DNAJC11: variants seen among roughly 807,000 people sequenced by gnomAD.
DNAJC11 encodes the protein dnaJ homolog subfamily C member 11.
A neutral mutation model predicts 78.6 loss-of-function variants in DNAJC11; 15 were observed. That is an observed-to-expected ratio of 0.19 (90% confidence interval 0.13 to 0.29). The LOEUF (loss-of-function observed/expected upper bound fraction) is 0.29. DNAJC11 is among the 10% of genes least tolerant of loss of function. The pLI, the probability that DNAJC11 is intolerant of heterozygous loss-of-function variation, is 1.00. For synonymous variants in DNAJC11, 292 were observed against 272.1 expected (o/e 1.07, Z -0.72); for missense variants, 547 against 709.6 (o/e 0.77, Z 2.60).
chr1:6,651,018 A>G (rs1203404918), intron 7 of DNAJC11: 1 of 532,382 alleles, frequency 1.9e-6, no homozygotes, highest in South Asian at 1.4e-5. Context: ...TGCACCCACC[A>G]TATAGGAAAT....
rs866666249 is a variant in DNAJC11 at position 6,653,690 on chromosome 1, G to A, written c.507+221C>T. ...CTGCTGGAAAGGCCCAAGACCTTGG[G>A]AGCCAAGTGCCCCAGCCCACACTCC... is the stretch of plus-strand genomic sequence containing the variant. On this transcript the variant is annotated intron_variant, in intron 5 of 15. Transcript: ENST00000377577. This position sits in a 1 kb window ranked among gnomAD's most constrained non-coding sequence, Gnocchi z 4.5. 2.6e-5 allele frequency: 12 copies of A among 469,016 alleles called. No homozygotes were observed. The highest frequency in any genetic ancestry group is 2.0e-4 in the African/African-American group (10 of 49,806). 29.1% of individuals were successfully genotyped at this position (469,016 alleles called of 1,614,324 possible).
intron 7 of DNAJC11, among the ~76,000 whole-genome samples, chr1:6,648,406 T>C (rs1427025638): frequency 2.0e-5 from 3 of 152,220 alleles, no homozygotes; most frequent in Non-Finnish European, 4.4e-5. Flanking sequence ...CCCGCCTGCC[T>C]TGGCCTCCCA....
chr1:6,647,380 G>A (rs1641981894), intron 7 of DNAJC11, among the ~76,000 whole-genome samples: 2 of 152,012 alleles, frequency 1.3e-5, no homozygotes, highest in South Asian at 4.2e-4. Flanking sequence ...ACTGTGCCCA[G>A]CCAACAGGTC....
At chr1:6,700,871 T>A (rs958767778) in intron 1 of DNAJC11, among the ~76,000 whole-genome samples, 7 of 152,302 alleles carry the variant, frequency 4.6e-5, no homozygotes, top group African/African-American at 1.7e-4. Flanking sequence ...CCCATCGGCT[T>A]AAAGAAACTG....
intron 1 of DNAJC11, among the ~76,000 whole-genome samples, chr1:6,681,799 T>C (rs772878437): frequency 2.6e-5 from 4 of 152,114 alleles, no homozygotes; most frequent in South Asian, 4.2e-4. Flanking sequence ...CTCAGAGGCC[T>C]TGGGACACTG....
chr1:6,667,977 C>T, intron 3 of DNAJC11, 167 bp from the exon 4 acceptor site: 1 of 644,390 alleles, frequency 1.6e-6, no homozygotes. Flanking sequence ...TCCGATGGCT[C>T]AGGCCTGGGT....
intron 5 of DNAJC11, 21 bp from the exon 6 acceptor site, chr1:6,652,972 T>TAATG: frequency 6.2e-7 from 1 of 1,613,816 alleles, no homozygotes; most frequent in South Asian, 1.1e-5. Context: ...TATTTGCTGG[T>TAATG]AATGAATGAA....
intron 4 of DNAJC11, among the ~76,000 whole-genome samples, chr1:6,664,081 C>T (rs902265356): frequency 2.0e-5 from 3 of 152,170 alleles, no homozygotes; most frequent in Non-Finnish European, 2.9e-5. Context: ...AAAGTGGACA[C>T]ACGCCGGGGC....
intron 4 of DNAJC11, among the ~76,000 whole-genome samples, chr1:6,664,380 C>T (rs779627723): frequency 2.0e-5 from 3 of 152,054 alleles, no homozygotes; most frequent in African/African-American, 4.8e-5. Context: ...GCTGGGACTA[C>T]AGGCGCCTGC....
chr1:6,645,822 G>A lies in DNAJC11; in HGVS notation c.861C>T (p.Asp287=). The change falls in exon 8 of 16, where the codon GAC becomes GAT. Residue 287 remains aspartate (D), a synonymous_variant. Coordinates refer to ENST00000377577, the MANE Select transcript of DNAJC11 (RefSeq NM_018198.4). This position sits in a 1 kb window ranked among gnomAD's most constrained non-coding sequence, Gnocchi z 4.1. ...CCACAGTGAAGTGGCTGGTTTTAGT[G>A]TCTCGGACGATGCTAGTGTTCATGG... The part of the protein sequence containing the change: ...QSAMNTSIVR[D]TKTSHFTVAL... 4 of 1,614,200 alleles carry A rather than the reference G, an allele frequency of 2.5e-6. No homozygotes were observed. Among genetic ancestry groups the A allele is most frequent in the African/African-American group, 1.3e-5 (1 of 75,044 alleles).
intron 7 of DNAJC11, chr1:6,651,002 C>A: frequency 1.9e-6 from 1 of 518,088 alleles, no homozygotes; most frequent in Middle Eastern, 3.2e-4. Context: ...CTCACACAGA[C>A]ATCACTGCAC....
chr1:6,677,870 T>C (rs962348609), intron 3 of DNAJC11, among the ~76,000 whole-genome samples: 2 of 152,198 alleles, frequency 1.3e-5, no homozygotes, highest in African/African-American at 4.8e-5. Context: ...AATATTATAA[T>C]ACATGAGAAT....
intron 3 of DNAJC11, chr1:6,668,040 ACT>A (rs1642319081): frequency 1.9e-6 from 1 of 521,038 alleles, no homozygotes. Flanking sequence ...ATGAGTTTTC[ACT>A]CAGCTCTCCA....
intron 1 of DNAJC11, among the ~76,000 whole-genome samples, chr1:6,695,336 T>C (rs116743865): frequency 0.016 from 2,471 of 151,792 alleles, 81 homozygotes; most frequent in African/African-American, 0.056. Context: ...ACTTCAAACT[T>C]ATCAAAATCC....
chr1:6,639,432 C>T (rs1444465907), intron 11 of DNAJC11, among the ~76,000 whole-genome samples: 2 of 151,634 alleles, frequency 1.3e-5, no homozygotes, highest in African/African-American at 4.9e-5. Context: ...CAGGTTCAAG[C>T]AATTCTCCTG....
In DNAJC11 at chr1:6,680,632, A is replaced by C. The variant is rs369666492; in HGVS notation, c.202+276T>G. Among the ~76,000 whole-genome samples, 7 of 152,236 alleles carry C rather than the reference A, an allele frequency of 4.6e-5. No homozygotes were observed. The highest frequency in any genetic ancestry group is 1.7e-4 in the African/African-American group (7 of 41,464). On this transcript the variant is annotated intron_variant, in intron 2 of 15. Transcript: ENST00000377577. The surrounding 1 kb of genome is among the most constrained non-coding windows in gnomAD (Gnocchi z 4.0). ...ACCTATAAGAGTTCCCTTTAGAAGA[A>C]AACTGGTAAACGATTTAAAACTTGA...
At chr1:6,637,590 C>T (rs1240402328) in intron 12 of DNAJC11, 86 bp from the exon 13 acceptor site, 25 of 1,462,628 alleles carry the variant, frequency 1.7e-5, no homozygotes, top group Non-Finnish European at 2.9e-6. Context: ...GCAGTCTTGT[C>T]CACGTCAACA....
At chr1:6,668,095 G>T (rs1642319427) in intron 3 of DNAJC11, 1 of 354,914 alleles carries the variant, frequency 2.8e-6, no homozygotes. Flanking sequence ...TATCTCTGAG[G>T]CTGCAGAAAT....
chr1:6,663,951 C>T (rs962162040), intron 4 of DNAJC11, among the ~76,000 whole-genome samples: 18 of 152,188 alleles, frequency 1.2e-4, no homozygotes, highest in Admixed American at 3.9e-4. Context: ...TGAGTCTGGA[C>T]GCAGGGCCCT....
Sources: allele counts gnomAD v4.1 joint callset (sites outside exome capture counted in the v4.1 genomes callset), GRCh38; gene constraint gnomAD v4.1.1; non-coding constraint Gnocchi (gnomAD v3.1); transcripts MANE v1.5; gene names NCBI Gene and HGNC (gene_info 2026-07-23, HGNC 2026-07-21).